The following CPPED1 variants were observed in gnomAD, a reference collection of about 807,000 sequenced individuals.
CPPED1 encodes serine/threonine-protein phosphatase CPPED1.
Under a neutral mutation model 28.0 loss-of-function variants are expected in CPPED1, and 28 were observed. That is an observed-to-expected ratio of 1.00 (90% CI 0.74 to 1.37). The LOEUF is 1.37. CPPED1 is among the 40% of genes most tolerant of loss of function. The probability of loss-of-function intolerance (pLI) is 0.00; values close to 1 mark genes in which losing one functional copy is unlikely to be tolerated. For missense variants in CPPED1, 504 were observed against 416.5 expected (o/e 1.21, Z -1.83); for synonymous variants, 198 against 180.2 (o/e 1.10, Z -0.79).
intron 2 of CPPED1, among the ~76,000 whole-genome samples, chr16:12,764,175 G>C (rs530970920): frequency 1.4e-3 from 208 of 150,438 alleles, no homozygotes; most frequent in Non-Finnish European, 9.4e-4. Context: ...GGTTTTTTCT[G>C]GATACCTTTT....
intron 3 of CPPED1, among the ~76,000 whole-genome samples, chr16:12,691,706 G>A (rs1210938084): frequency 2.7e-5 from 4 of 150,840 alleles, no homozygotes; most frequent in Admixed American, 6.6e-5. Context: ...GCAAACTATC[G>A]CAAGGACAAA....
intron 1 of CPPED1, among the ~76,000 whole-genome samples, chr16:12,793,168 C>T (rs528235593): frequency 5.3e-5 from 8 of 152,332 alleles, no homozygotes; most frequent in Non-Finnish European, 8.8e-5. Flanking sequence ...AAACCTTACA[C>T]GATAGCGGGG....
At chr16:12,752,503 T>G (rs1363869380) in intron 2 of CPPED1, among the ~76,000 whole-genome samples, 1 of 151,934 alleles carries the variant, frequency 6.6e-6, no homozygotes, top group Non-Finnish European at 1.5e-5. Flanking sequence ...GTGTCAGCTC[T>G]GAGTAGATCA....
chr16:12,788,215 C>A (rs1250816254), intron 1 of CPPED1, among the ~76,000 whole-genome samples: 2 of 152,194 alleles, frequency 1.3e-5, no homozygotes, highest in African/African-American at 4.8e-5. Flanking sequence ...GTGTTCTGCT[C>A]ATTACAATCA....
intron 2 of CPPED1, among the ~76,000 whole-genome samples, chr16:12,737,288 T>C (rs939648747): frequency 3.3e-5 from 5 of 152,018 alleles, no homozygotes; most frequent in African/African-American, 1.2e-4. Context: ...AACAAAGATC[T>C]GAAGGACAAG....
intron 1 of CPPED1, among the ~76,000 whole-genome samples, chr16:12,787,405 C>CTT (rs57802112): frequency 6.1e-4 from 86 of 140,880 alleles, no homozygotes; most frequent in African/African-American, 8.1e-4. Context: ...ATTTTTCTTT[C>CTT]TTTTTTTTTT....
At chr16:12,703,779 A>C (rs1345279731) in intron 3 of CPPED1, among the ~76,000 whole-genome samples, 3 of 151,976 alleles carry the variant, frequency 2.0e-5, no homozygotes, top group Non-Finnish European at 4.4e-5. Flanking sequence ...TTGCCAAATC[A>C]CTGGTAACCC....
At chr16:12,690,079 G>A (rs2079954388) in intron 3 of CPPED1, among the ~76,000 whole-genome samples, 1 of 152,080 alleles carries the variant, frequency 6.6e-6, no homozygotes, top group South Asian at 2.1e-4. Flanking sequence ...ATTTTCTGTA[G>A]CTACGGTCTG....
At position 12,704,200 on chromosome 16, in the gene CPPED1, T is replaced by C. The variant is rs1046087471; in HGVS notation, c.715+424A>G. ...AGTGAAAGCAGATGTCCCTGGCATCTTGCCTTCTCCCAAGGCACATGCAAG... is the reference window on the plus strand; with the variant it reads ...AGTGAAAGCAGATGTCCCTGGCATCCTGCCTTCTCCCAAGGCACATGCAAG... On this transcript the variant is annotated intron_variant, in intron 3 of 3. Coordinates refer to ENST00000381774, the MANE Select transcript of CPPED1 (RefSeq NM_018340.3). 2.6e-5 allele frequency among the ~76,000 whole-genome samples: 4 copies of C among 152,196 alleles called. No individual in the cohort carries two copies. The South Asian group carries it at 8.3e-4, about 32-fold the overall frequency.
At chr16:12,731,125 T>G (rs929337343) in intron 2 of CPPED1, among the ~76,000 whole-genome samples, 3 of 150,280 alleles carry the variant, frequency 2.0e-5, no homozygotes, top group Non-Finnish European at 4.4e-5. Flanking sequence ...CTGGGCAACA[T>G]ATGGAGACCC....
intron 2 of CPPED1, among the ~76,000 whole-genome samples, chr16:12,767,001 TCA>T (rs2080443608): frequency 8.1e-6 from 1 of 123,990 alleles, no homozygotes; most frequent in African/African-American, 3.3e-5. Flanking sequence ...TCAGAGGTCC[TCA>T]TTTTTTTTTT....
At chr16:12,791,912 C>G (rs1478490595) in intron 1 of CPPED1, among the ~76,000 whole-genome samples, 1 of 151,496 alleles carries the variant, frequency 6.6e-6, no homozygotes, top group Non-Finnish European at 1.5e-5. Flanking sequence ...TCCACTCATT[C>G]TAGCACTTGG....
chr16:12,717,039 G>A (rs1310266310), intron 2 of CPPED1, among the ~76,000 whole-genome samples: 1 of 152,134 alleles, frequency 6.6e-6, no homozygotes, highest in African/African-American at 2.4e-5. Context: ...AGGGCCTGCT[G>A]AACAGGGGGA....
At chr16:12,763,994 G>C (rs1027792889) in intron 2 of CPPED1, among the ~76,000 whole-genome samples, 1 of 150,366 alleles carries the variant, frequency 6.7e-6, no homozygotes. Flanking sequence ...ACAACAACAA[G>C]GTATTTAAAC....
intron 2 of CPPED1, among the ~76,000 whole-genome samples, chr16:12,774,278 G>A (rs2080485300): frequency 6.6e-6 from 1 of 152,024 alleles, no homozygotes; most frequent in Non-Finnish European, 1.5e-5. Flanking sequence ...AACCAGCCTG[G>A]CCAACAAGAT....
intron 3 of CPPED1, among the ~76,000 whole-genome samples, chr16:12,669,434 T>A (rs1489614041): frequency 3.9e-5 from 6 of 152,168 alleles, no homozygotes; most frequent in Non-Finnish European, 1.5e-5. Context: ...GTGAATATAT[T>A]AAAACGACTA....
intron 2 of CPPED1, among the ~76,000 whole-genome samples, chr16:12,730,860 A>G (rs112194728): frequency 1.2e-3 from 189 of 152,298 alleles, no homozygotes; most frequent in African/African-American, 4.3e-3. Context: ...ATGAGTTCAC[A>G]TGCTCCAGCT....
chr16:12,677,249 T>G (rs1320311128), intron 3 of CPPED1, among the ~76,000 whole-genome samples: 1 of 152,192 alleles, frequency 6.6e-6, no homozygotes, highest in Non-Finnish European at 1.5e-5. Context: ...CCAGTTCAGA[T>G]TCTGGCTTGG....
chr16:12,727,206 T>C (rs2080174688), intron 2 of CPPED1, among the ~76,000 whole-genome samples: 1 of 152,162 alleles, frequency 6.6e-6, no homozygotes, highest in Non-Finnish European at 1.5e-5. Context: ...TGTCTCCAGT[T>C]TAATTATCCA....
Sources: gnomAD v4.1 joint callset for allele counts (sites outside exome capture counted in the v4.1 genomes callset) on GRCh38, gnomAD v4.1.1 for gene constraint, MANE v1.5 for transcripts, NCBI Gene and HGNC (gene_info 2026-07-23, HGNC 2026-07-21) for gene names.